The following SH3KBP1 variants were observed in gnomAD, a reference collection of about 807,000 sequenced individuals.
The protein encoded by SH3KBP1 is SH3 domain-containing kinase-binding protein 1.
Under a neutral mutation model 50.1 loss-of-function variants are expected in SH3KBP1, and 8 were observed. The ratio of observed to expected loss-of-function variants is 0.16; its 90% confidence interval spans 0.09 to 0.29. The LOEUF is 0.29. SH3KBP1 is among the 10% of genes least tolerant of loss of function. The pLI is 1.00. For synonymous variants in SH3KBP1, 227 were observed against 218.6 expected (o/e 1.04, Z -0.34); for missense variants, 377 against 535.2 (o/e 0.70, Z 2.92).
chrX:19,610,105 C>CA (rs1289322058), intron 8 of SH3KBP1, among the ~76,000 whole-genome samples: 1 of 110,740 alleles, frequency 9.0e-6, no homozygotes, highest in Admixed American at 9.6e-5. Context: ...CAACTAACAA[C>CA]AAAAAAAACC....
intron 2 of SH3KBP1, among the ~76,000 whole-genome samples, chrX:19,748,338 C>T (rs1157035136): frequency 9.0e-6 from 1 of 111,639 alleles, no homozygotes; most frequent in East Asian, 2.8e-4. Context: ...AGAAGCAGCG[C>T]CAGCATTGTG....
At chrX:19,877,929 A>G (rs943355541) in intron 1 of SH3KBP1, among the ~76,000 whole-genome samples, 1 of 112,267 alleles carries the variant, frequency 8.9e-6, no homozygotes, top group Non-Finnish European at 1.9e-5. Flanking sequence ...ACAGAAAGGA[A>G]GTAAGCAGAG....
chrX:19,692,614 T>C (rs1425200202), intron 5 of SH3KBP1, among the ~76,000 whole-genome samples: 4 of 100,409 alleles, frequency 4.0e-5, no homozygotes, highest in East Asian at 3.1e-4. Flanking sequence ...CATATACACA[T>C]ATATACATAC....
chrX:19,550,740 C>T (rs1434422736), intron 13 of SH3KBP1, among the ~76,000 whole-genome samples: 1 of 110,619 alleles, frequency 9.0e-6, no homozygotes, highest in Non-Finnish European at 1.9e-5. Context: ...ATGACTGGAG[C>T]TGTGGCAGCC....
At chrX:19,764,014 CAAAAAAAAA>C (rs761696272) in intron 2 of SH3KBP1, among the ~76,000 whole-genome samples, 2 of 37,523 alleles carry the variant, frequency 5.3e-5, no homozygotes, top group Admixed American at 6.7e-4. Flanking sequence ...GACTCTGTCT[CAAAAAAAAA>C]AAAAAAAAAA....
chrX:19,851,509 T>C (rs1448446884), intron 1 of SH3KBP1, among the ~76,000 whole-genome samples: 1 of 112,203 alleles, frequency 8.9e-6, no homozygotes, highest in African/African-American at 3.2e-5. Context: ...GCCTGATATA[T>C]AGTAGGAACT....
intron 8 of SH3KBP1, among the ~76,000 whole-genome samples, chrX:19,617,411 T>C (rs766522344): frequency 8.9e-6 from 1 of 112,585 alleles, no homozygotes; most frequent in Admixed American, 9.4e-5. Context: ...CTGGACTTTT[T>C]CATTCTAGAT....
chrX:19,536,267 T>C lies in SH3KBP1; in HGVS notation c.*150A>G. The C allele has an allele frequency of 2.5e-6, 1 of 396,572 alleles. No homozygotes were observed. The allele number at this position is 396,572 out of a possible 1,213,427, so 32.7% of individuals were successfully genotyped here. A position where few individuals can be genotyped will look rare whatever the true frequency, so the allele number is the denominator to read the frequency against. On this transcript the variant is annotated 3_prime_UTR_variant, in exon 18 of 18. Transcript: ENST00000397821. ...ATTCTCCTCTTGGATGGAATTTGTG[T>C]TGTGCTATCAAGACTTTTGTGCTAA...
intron 12 of SH3KBP1, among the ~76,000 whole-genome samples, chrX:19,586,944 G>A (rs771397948): frequency 1.5e-4 from 17 of 111,627 alleles, no homozygotes; most frequent in South Asian, 1.1e-3. Context: ...TGAATCCACC[G>A]GGCACGGTGG....
intron 17 of SH3KBP1, among the ~76,000 whole-genome samples, chrX:19,537,185 C>T (rs915146775): frequency 1.8e-5 from 2 of 110,921 alleles, no homozygotes; most frequent in South Asian, 7.7e-4. Flanking sequence ...GGCTGGGTGC[C>T]GTGGCTCACA....
rs745629494 is a variant in SH3KBP1, at chrX:19,674,807, G to A, written c.726+9016C>T. 7.5e-4 allele frequency among the ~76,000 whole-genome samples: 84 copies of A among 111,643 alleles called. 1 individual carries two copies. Among genetic ancestry groups the A allele is most frequent in the Non-Finnish European group, 1.4e-3 (77 of 53,117 alleles). On this transcript the variant is annotated intron_variant, in intron 6 of 17. Coordinates refer to ENST00000397821, the MANE Select transcript of SH3KBP1 (RefSeq NM_031892.3). ...ATAAAAAATTAAAGAGGCCAGGCAT[G>A]GTGGCTCATGCCTGTAATCCCAGCA...
At chrX:19,544,456 A>G (rs965774137) in intron 15 of SH3KBP1, among the ~76,000 whole-genome samples, 1 of 110,950 alleles carries the variant, frequency 9.0e-6, no homozygotes, top group African/African-American at 3.3e-5. Context: ...TCAATTCCCT[A>G]TCAACTGGAT....
chrX:19,840,968 C>T (rs1317858410), intron 1 of SH3KBP1, among the ~76,000 whole-genome samples: 1 of 112,015 alleles, frequency 8.9e-6, no homozygotes, highest in Non-Finnish European at 1.9e-5. Context: ...CCCCATGTTA[C>T]AAAAAGATAG....
chrX:19,638,332 C>T (rs1377842637), intron 7 of SH3KBP1, among the ~76,000 whole-genome samples: 1 of 106,755 alleles, frequency 9.4e-6, no homozygotes, highest in African/African-American at 3.5e-5. Flanking sequence ...ATGGTGTGAA[C>T]CCAGGAGGCG....
rs752151190 is a variant in SH3KBP1 at position 19,557,760 on chromosome X, G to A, written c.1385-7677C>T. 7.1e-5 allele frequency among the ~76,000 whole-genome samples: 8 copies of A among 111,957 alleles called. No homozygotes were observed. In the East Asian group the frequency reaches 2.0e-3, roughly 27 times the overall value. ...GAGCATACACTATGAGCTAGGCACTGGGCTAGGCAAAGGGGGATACAGGGG... is the reference window on the plus strand; with the variant it reads ...GAGCATACACTATGAGCTAGGCACTAGGCTAGGCAAAGGGGGATACAGGGG... On this transcript the variant is annotated intron_variant, in intron 13 of 17. Transcript: ENST00000397821.
At chrX:19,735,720 T>A (rs1265792843) in intron 3 of SH3KBP1, among the ~76,000 whole-genome samples, 1 of 11,222 alleles carries the variant, frequency 8.9e-5, no homozygotes, top group African/African-American at 4.3e-4. Context: ...CTCCTTTTTT[T>A]TGGCGGGGGG....
At position 19,757,379 on chromosome X, in the gene SH3KBP1, T is replaced by C. The variant is rs959364220; in HGVS notation, c.163-10938A>G. 2.7e-5 allele frequency among the ~76,000 whole-genome samples: 3 copies of C among 110,453 alleles called. 1 individual carries two copies. On this transcript the variant is annotated intron_variant, in intron 2 of 17. Transcript: ENST00000397821. ...AGGTCTTTACCCTAAGGTGTTTCTC[T>C]TAAGATTTCACCATGGCAATGTAAA...
rs376658680 is a variant in SH3KBP1 at position 19,883,059 on chromosome X, G to A, written c.4+4248C>T. Among the ~76,000 whole-genome samples the A allele has an allele frequency of 7.1e-5, 8 of 112,137 alleles. No individual in the cohort carries two copies. In the East Asian group the frequency reaches 1.1e-3, roughly 16 times the overall value. The stretch of plus-strand genomic sequence containing the variant: ...TGCCTTGTGTACCCCAGTGAACCAC[G>A]AGCTCCGGATGTCAGCTTTCTCAAC... On this transcript the variant is annotated intron_variant, in intron 1 of 17. Transcript: ENST00000397821.
Position 19,836,161 on chromosome X carries a change from G to A in SH3KBP1, c.126C>T (p.Asn42=), listed in dbSNP as rs749792637. The change falls in exon 2 of 18, where the codon AAC becomes AAT. Residue 42 remains asparagine (N), a synonymous_variant. Transcript: ENST00000397821. ...EDGGWWEGQI[N]GRRGLFPDNF... is the part of the protein sequence containing the mutation. The stretch of plus-strand genomic sequence containing the variant: ...TGTCAGGGAACAAACCTCTCCTGCC[G>A]TTGATCTGTCCCTCCCACCAGCCTC... The A allele has an allele frequency of 4.1e-5, 49 of 1,208,706 alleles. No homozygotes were observed. The highest frequency in any genetic ancestry group is 2.3e-4 in the Middle Eastern group (1 of 4,364).
Sources: gnomAD v4.1 joint callset for allele counts (sites outside exome capture counted in the v4.1 genomes callset) on GRCh38, gnomAD v4.1.1 for gene constraint, MANE v1.5 for transcripts, NCBI Gene and HGNC (gene_info 2026-07-23, HGNC 2026-07-21) for gene names.